ZC3H12B: variants seen among roughly 807,000 people sequenced by gnomAD.
ZC3H12B encodes zinc finger CCCH-type containing 12B.
A neutral mutation model predicts 43.9 loss-of-function variants in ZC3H12B; 7 were observed. That is an observed-to-expected ratio of 0.16 (90% CI 0.09 to 0.30). The LOEUF is 0.30. Among genes scored for constraint, ZC3H12B ranks in the 10% least tolerant of loss-of-function variants. The pLI is 1.00. For missense variants in ZC3H12B, 475 were observed against 670.2 expected (o/e 0.71, Z 3.22); for synonymous variants, 222 against 241.7 (o/e 0.92, Z 0.76).
At chrX:65,089,563 A>C in the ZC3H12B span, among the ~76,000 whole-genome samples, 10 of 111,657 alleles carry the variant, frequency 9.0e-5, no homozygotes, top group Non-Finnish European at 1.7e-4. Flanking sequence ...CTGTACACTT[A>C]AGCTATACTA....
chrX:65,387,812 A>G (rs1408160253), intron 2 of ZC3H12B, among the ~76,000 whole-genome samples: 37 of 112,352 alleles, frequency 3.3e-4, no homozygotes, highest in Non-Finnish European at 2.6e-4. Context: ...TGCTTCCTTC[A>G]GGAGCTCCTG....
At chrX:65,422,701 C>G (rs2067033382) in intron 3 of ZC3H12B, among the ~76,000 whole-genome samples, 1 of 110,003 alleles carries the variant, frequency 9.1e-6, no homozygotes, top group African/African-American at 3.3e-5. Context: ...TCACTCCTGA[C>G]AGGCCCTGGT....
the ZC3H12B span, among the ~76,000 whole-genome samples, chrX:65,360,320 T>C: frequency 3.6e-3 from 404 of 112,572 alleles, 10 homozygotes; most frequent in East Asian, 0.029. Context: ...TTGTATGTTA[T>C]ATGAATTAAA....
At chrX:65,448,815 A>G (rs751974939) in intron 3 of ZC3H12B, among the ~76,000 whole-genome samples, 1 of 106,111 alleles carries the variant, frequency 9.4e-6, no homozygotes, top group Non-Finnish European at 1.9e-5. Flanking sequence ...GATACTCCAA[A>G]AAAAGAAGAA....
chrX:65,438,180 G>C (rs1009086170), intron 3 of ZC3H12B, among the ~76,000 whole-genome samples: 14 of 111,433 alleles, frequency 1.3e-4, no homozygotes, highest in African/African-American at 4.2e-4. Context: ...CATTCTGTAT[G>C]CTTAGGATAG....
the ZC3H12B span, among the ~76,000 whole-genome samples, chrX:65,121,040 G>A: frequency 1.8e-5 from 2 of 111,042 alleles, no homozygotes; most frequent in East Asian, 2.8e-4. Flanking sequence ...TGTACTGCAG[G>A]ATTCTTTTTG....
the ZC3H12B span, among the ~76,000 whole-genome samples, chrX:65,250,945 G>T: frequency 3.0e-4 from 34 of 111,648 alleles, no homozygotes; most frequent in Non-Finnish European, 5.7e-5. Flanking sequence ...AGTTTAATTA[G>T]ATCCCATTTG....
intron 2 of ZC3H12B, among the ~76,000 whole-genome samples, chrX:65,375,990 C>A (rs2066341036): frequency 8.9e-6 from 1 of 112,152 alleles, no homozygotes; most frequent in Non-Finnish European, 1.9e-5. Flanking sequence ...CAAGTGGGCT[C>A]TTGGGGTCTC....
chrX:65,326,637 T>C, the ZC3H12B span, among the ~76,000 whole-genome samples: 2 of 110,942 alleles, frequency 1.8e-5, no homozygotes, highest in African/African-American at 6.5e-5. Flanking sequence ...AGTGTATTAC[T>C]CTAAAATAGC....
At chrX:65,463,638 C>T (rs992772797) in intron 3 of ZC3H12B, among the ~76,000 whole-genome samples, 1 of 110,993 alleles carries the variant, frequency 9.0e-6, no homozygotes, top group Non-Finnish European at 1.9e-5. Context: ...GTTGGCATTC[C>T]TAAGCTTGTA....
chrX:65,453,361 T>TGC (rs1210226852), intron 3 of ZC3H12B, among the ~76,000 whole-genome samples: 3 of 26,840 alleles, frequency 1.1e-4, no homozygotes, highest in African/African-American at 1.1e-3. Flanking sequence ...CTCAAATGCA[T>TGC]ATATATATAT....
At chrX:65,082,648 G>T in the ZC3H12B span, among the ~76,000 whole-genome samples, 1 of 110,622 alleles carries the variant, frequency 9.0e-6, no homozygotes, top group Non-Finnish European at 1.9e-5. Flanking sequence ...AAAAGCCTGG[G>T]AGCTGATGGC....
At chrX:65,143,774 G>T in the ZC3H12B span, among the ~76,000 whole-genome samples, 37 of 107,987 alleles carry the variant, frequency 3.4e-4, 1 homozygote, top group Admixed American at 3.5e-3. Context: ...TTGCCATGTT[G>T]TCCATGCTGG....
the ZC3H12B span, chrX:65,330,967 C>T: frequency 6.3e-6 from 2 of 314,984 alleles, no homozygotes; most frequent in Admixed American, 3.2e-5. Context: ...TGGGGCAGCC[C>T]CTCTCATCTT....
chrX:65,334,925 G>T, the ZC3H12B span, among the ~76,000 whole-genome samples: 1 of 111,946 alleles, frequency 8.9e-6, no homozygotes, highest in African/African-American at 3.2e-5. Flanking sequence ...CCCCATGGGA[G>T]TCTTATCTCT....
At chrX:65,055,992 G>A in the ZC3H12B span, among the ~76,000 whole-genome samples, 4 of 110,775 alleles carry the variant, frequency 3.6e-5, no homozygotes, top group Non-Finnish European at 5.7e-5. Context: ...TTCTTTTTTA[G>A]TCTTGCTAGC....
chrX:65,065,918 T>C, the ZC3H12B span, among the ~76,000 whole-genome samples: 31 of 106,389 alleles, frequency 2.9e-4, no homozygotes. Context: ...ATATCCCTTC[T>C]TCTGCTTGAT....
Position 65,382,861 on chromosome X carries a change from C to A in ZC3H12B, n.295+13863C>A, listed in dbSNP as rs373529101. ...GTGAACTCCCATTCACAATTGCTTC[C>A]AAGAGAATAAAATACCTAGGAATCC... On this transcript the variant is annotated intron_variant and non_coding_transcript_variant, in intron 2 of 5. Transcript: ENST00000617377. 1.7e-4 allele frequency among the ~76,000 whole-genome samples: 19 copies of A among 110,716 alleles called. No individual in the cohort carries two copies. The East Asian group carries it at 3.7e-3, about 21-fold the overall frequency.
chrX:65,252,453 T>C, the ZC3H12B span, among the ~76,000 whole-genome samples: 1 of 112,058 alleles, frequency 8.9e-6, no homozygotes, highest in Non-Finnish European at 1.9e-5. Context: ...TTTATCTGTA[T>C]TAAAAAATTA....
Sources: gnomAD v4.1 joint callset for allele counts (sites outside exome capture counted in the v4.1 genomes callset) on GRCh38, gnomAD v4.1.1 for gene constraint, MANE v1.5 for transcripts, NCBI Gene and HGNC (gene_info 2026-07-23, HGNC 2026-07-21) for gene names.